Variants in OPA3 observed in about 807,000 individuals in gnomAD.
OPA3 encodes the protein outer mitochondrial membrane lipid metabolism regulator OPA3.
A neutral mutation model predicts 4.0 loss-of-function variants in OPA3; 6 were observed. The observed-to-expected ratio is 1.51, with a 90% CI of 0.83 to 2.99. The LOEUF is 2.99. Among genes scored for constraint, OPA3 ranks in the 30% most tolerant of loss-of-function variants. The pLI is 0.00. For missense variants in OPA3, 235 were observed against 256.2 expected (o/e 0.92, Z 0.56); for synonymous variants, 105 against 117.1 (o/e 0.90, Z 0.67).
chr19:45,557,253 G>GGT (rs141045848), intron 1 of OPA3, among the ~76,000 whole-genome samples: 21 of 151,844 alleles, frequency 1.4e-4, no homozygotes, highest in Middle Eastern at 3.4e-3. Flanking sequence ...AAATCAAGAG[G>GGT]GTGTGTGTGT....
At chr19:45,529,369 G>A (rs771423936) in exon 2 of OPA3, 1 of 1,614,222 alleles carries the variant, frequency 6.2e-7, no homozygotes, top group Admixed American at 1.7e-5. Flanking sequence ...GCCCAGCTCG[G>A]CGGCTGCACC....
chr19:45,571,862 G>A (rs1178954294), intron 1 of OPA3, among the ~76,000 whole-genome samples: 1 of 152,056 alleles, frequency 6.6e-6, no homozygotes, highest in Non-Finnish European at 1.5e-5. Context: ...CCCTTCTATT[G>A]AGAGCTGAAC....
chr19:45,573,293 T>C (rs966255200), intron 1 of OPA3, among the ~76,000 whole-genome samples: 1 of 151,700 alleles, frequency 6.6e-6, no homozygotes, highest in African/African-American at 2.4e-5. Flanking sequence ...TCACTAAAAA[T>C]ACAAAAAATT....
intron 1 of OPA3, among the ~76,000 whole-genome samples, chr19:45,579,000 C>T (rs901503682): frequency 3.3e-5 from 5 of 152,076 alleles, no homozygotes; most frequent in Non-Finnish European, 7.4e-5. Context: ...TCCTGTGTGC[C>T]AGGCACGCTC....
chr19:45,534,619 C>T (rs1344883101), intron 1 of OPA3, among the ~76,000 whole-genome samples: 1 of 143,804 alleles, frequency 7.0e-6, no homozygotes, highest in African/African-American at 2.6e-5. Flanking sequence ...CCATACTTTT[C>T]CACTGAACCC....
At chr19:45,557,427 G>A (rs80025239) in intron 1 of OPA3, among the ~76,000 whole-genome samples, 5,177 of 152,160 alleles carry the variant, frequency 0.034, 178 homozygotes, top group African/African-American at 0.084. Context: ...GCTGTGAGGG[G>A]CCGGGACAGG....
At chr19:45,567,657 T>C (rs930447027) in intron 1 of OPA3, among the ~76,000 whole-genome samples, 9 of 152,190 alleles carry the variant, frequency 5.9e-5, no homozygotes, top group African/African-American at 2.2e-4. Flanking sequence ...ACAGATACTA[T>C]ATCTCAACAA....
chr19:45,551,962 A>C lies in OPA3; in HGVS notation c.*1552T>G. ...AAGAAAGGACATGCCACACAGTACA[A>C]GCTCCAGGGACTCTGAGGACAGGAA... is the stretch of plus-strand genomic sequence containing the variant. On this transcript the variant is annotated 3_prime_UTR_variant, in exon 2 of 2. Coordinates refer to ENST00000263275, the MANE Select transcript of OPA3 (RefSeq NM_025136.4). 1.0e-6 allele frequency: 1 copy of C among 985,604 alleles called. No homozygotes were observed. Among genetic ancestry groups the C allele is most frequent in the Non-Finnish European group, 1.2e-6 (1 of 830,066 alleles). 61.1% of individuals were successfully genotyped at this position (985,604 alleles called of 1,614,324 possible).
At chr19:45,539,683 G>C (rs1969161021) in intron 1 of OPA3, among the ~76,000 whole-genome samples, 1 of 151,806 alleles carries the variant, frequency 6.6e-6, no homozygotes, top group South Asian at 2.1e-4. Context: ...GCGGGGGTGG[G>C]GCTGAGGTTG....
intron 1 of OPA3, among the ~76,000 whole-genome samples, chr19:45,574,769 G>A (rs553988183): frequency 1.3e-5 from 2 of 152,296 alleles, no homozygotes; most frequent in East Asian, 1.9e-4. Context: ...TAGTGTGGTG[G>A]AAATGACGCT....
intron 1 of OPA3, among the ~76,000 whole-genome samples, chr19:45,580,702 T>C (rs1443149406): frequency 6.6e-6 from 1 of 151,202 alleles, no homozygotes; most frequent in African/African-American, 2.4e-5. Flanking sequence ...CACTGCAACC[T>C]CTGCCTCCCA....
chr19:45,572,569 C>A, intron 1 of OPA3, among the ~76,000 whole-genome samples: 1 of 130,736 alleles, frequency 7.6e-6, no homozygotes. Context: ...GGATATATAT[C>A]ATGATATATG....
rs904466967 is a variant in OPA3, at chr19:45,575,236, G to A, written c.142+9387C>T. On this transcript the variant is annotated intron_variant, in intron 1 of 1. Transcript: ENST00000263275. ...TCCTGCCTCAGCCTCCTGAGAAGCT[G>A]GGACCACAGGTACCCGCTAAATTTT... is the stretch of plus-strand genomic sequence containing the variant. 1.3e-4 allele frequency among the ~76,000 whole-genome samples: 19 copies of A among 151,946 alleles called. 1 individual carries two copies. Among genetic ancestry groups the A allele is most frequent in the Middle Eastern group, 6.8e-3 (2 of 292 alleles).
At chr19:45,559,605 G>A (rs776309163) in intron 1 of OPA3, among the ~76,000 whole-genome samples, 2 of 151,572 alleles carry the variant, frequency 1.3e-5, no homozygotes, top group Admixed American at 6.6e-5. Context: ...GTTTCACCAT[G>A]TTGACCAGGC....
downstream of OPA3, among the ~76,000 whole-genome samples, chr19:45,542,272 G>GAGA (rs1385317099): frequency 6.6e-6 from 1 of 152,002 alleles, no homozygotes; most frequent in Non-Finnish European, 1.5e-5. Flanking sequence ...CTGTGTGGAG[G>GAGA]AGGGCTGCCC....
Position 45,552,050 on chromosome 19 carries a change from AC to A in OPA3, c.*1463del. 5 of 985,416 alleles carry A rather than the reference AC, an allele frequency of 5.1e-6. No homozygotes were observed. The highest frequency in any genetic ancestry group is 6.0e-6 in the Non-Finnish European group (5 of 830,014). 61.0% of individuals were successfully genotyped at this position (985,416 alleles called of 1,614,324 possible). A position where few individuals can be genotyped will look rare whatever the true frequency, so the allele number is the denominator to read the frequency against. On this transcript the variant is annotated 3_prime_UTR_variant, in exon 2 of 2. Coordinates refer to ENST00000263275, the MANE Select transcript of OPA3 (RefSeq NM_025136.4). ...CCTAGTTAGGATCAAATTTCCCACC[AC>A]GGAAAGGGGGGTTGGAGGACATTCA...
chr19:45,583,017 C>A (rs1197944405), intron 1 of OPA3, among the ~76,000 whole-genome samples: 2 of 152,190 alleles, frequency 1.3e-5, no homozygotes, highest in South Asian at 2.1e-4. Context: ...AGGTTAGAAG[C>A]AAGATGGAGT....
intron 1 of OPA3, 49 bp downstream of exon 1, chr19:45,584,574 A>AG: frequency 6.2e-7 from 1 of 1,613,368 alleles, no homozygotes; most frequent in East Asian, 2.2e-5. Flanking sequence ...ACCACCTGAC[A>AG]GGGGTTGGAG....
intron 1 of OPA3, among the ~76,000 whole-genome samples, chr19:45,580,001 C>CTTTTTTTTTTTTTT (rs57357578): frequency 8.7e-6 from 1 of 114,886 alleles, no homozygotes; most frequent in African/African-American, 4.3e-5. Context: ...TTTTTTTTTT[C>CTTTTTTTTTTTTTT]TTTTTTTTTT....
Sources: allele counts gnomAD v4.1 joint callset (sites outside exome capture counted in the v4.1 genomes callset), GRCh38; gene constraint gnomAD v4.1.1; transcripts MANE v1.5; gene names NCBI Gene and HGNC (gene_info 2026-07-23, HGNC 2026-07-21).